The following TACR3 variants were observed in gnomAD, a reference collection of about 807,000 sequenced individuals.
TACR3 encodes tachykinin receptor 3.
TACR3 carries 34 observed loss-of-function variants against 35.0 expected under a neutral mutation model. That is an observed-to-expected ratio of 0.97 (90% CI 0.74 to 1.30). TACR3 has a LOEUF of 1.30. Ranked by LOEUF, TACR3 falls within the 50% of genes most tolerant of loss-of-function variation. TACR3 has a pLI of 0.00. For missense variants in TACR3, 558 were observed against 591.7 expected (o/e 0.94, Z 0.59); for synonymous variants, 233 against 221.1 (o/e 1.05, Z -0.48).
chr4:103,708,090 A>G (rs573658592), intron 1 of TACR3, among the ~76,000 whole-genome samples: 21 of 152,332 alleles, frequency 1.4e-4, no homozygotes, highest in African/African-American at 5.1e-4. Flanking sequence ...GCATAGCTGA[A>G]CAAAAGGCAG....
At chr4:103,718,107 T>A (rs866840024) in intron 1 of TACR3, among the ~76,000 whole-genome samples, 20 of 151,190 alleles carry the variant, frequency 1.3e-4, no homozygotes, top group Middle Eastern at 3.4e-3. Context: ...AATAACCTGT[T>A]TTTTCTTATT....
chr4:103,716,756 G>A (rs1247002547), intron 1 of TACR3, among the ~76,000 whole-genome samples: 1 of 152,084 alleles, frequency 6.6e-6, no homozygotes, highest in Non-Finnish European at 1.5e-5. Context: ...AAAGCGAATT[G>A]AATATATTTT....
intron 3 of TACR3, among the ~76,000 whole-genome samples, chr4:103,638,460 C>T (rs1230931352): frequency 6.6e-6 from 1 of 151,972 alleles, no homozygotes; most frequent in South Asian, 2.1e-4. Context: ...TAAAGACTTA[C>T]ATGTTCGACC....
At chr4:103,634,645 G>C (rs1402023952) in intron 3 of TACR3, among the ~76,000 whole-genome samples, 1 of 152,036 alleles carries the variant, frequency 6.6e-6, no homozygotes, top group Non-Finnish European at 1.5e-5. Context: ...TTTTCCTAAA[G>C]TGAATTTAAC....
chr4:103,627,087 C>A (rs990346208), intron 3 of TACR3, among the ~76,000 whole-genome samples: 1 of 137,832 alleles, frequency 7.3e-6, no homozygotes, highest in African/African-American at 2.7e-5. Context: ...GAGGCTGAGG[C>A]AGGAGAATCA....
intron 3 of TACR3, among the ~76,000 whole-genome samples, chr4:103,633,741 A>G (rs1037606832): frequency 6.6e-6 from 1 of 152,124 alleles, no homozygotes; most frequent in Non-Finnish European, 1.5e-5. Context: ...TAAATGAGCT[A>G]ATTTCTATTT....
chr4:103,703,965 G>A (rs1470219339), intron 1 of TACR3, among the ~76,000 whole-genome samples: 13 of 151,920 alleles, frequency 8.6e-5, no homozygotes, highest in Middle Eastern at 3.4e-3. Flanking sequence ...TTAGCAGGGC[G>A]TGGTAGCAGG....
Position 103,589,201 on chromosome 4 carries a change from T to C in TACR3, c.*481A>G, listed in dbSNP as rs1214703548. On this transcript the variant is annotated 3_prime_UTR_variant, in exon 5 of 5. Coordinates refer to ENST00000304883, the MANE Select transcript of TACR3 (RefSeq NM_001059.3). ...TGAGGTTAATTTTCCATTACTCTAG[T>C]GGGAAAATGAATCATTTAACTTTTT... is the stretch of plus-strand genomic sequence containing the variant. 1 of 153,986 alleles carries C rather than the reference T, an allele frequency of 6.5e-6. No individual in the cohort carries two copies. The highest frequency in any genetic ancestry group is 2.4e-5 in the African/African-American group (1 of 41,468). 9.5% of individuals were successfully genotyped at this position (153,986 alleles called of 1,614,324 possible).
intron 1 of TACR3, among the ~76,000 whole-genome samples, chr4:103,684,098 A>T (rs1198325956): frequency 6.6e-6 from 1 of 150,984 alleles, no homozygotes; most frequent in Non-Finnish European, 1.5e-5. Flanking sequence ...AGAGAAATCT[A>T]CAAATAACCT....
Position 103,589,991 on chromosome 4 carries a change from A to G in TACR3, c.1089T>C (p.Phe363=), listed in dbSNP as rs781243157. Residue 363 remains phenylalanine (F), a synonymous_variant, in exon 5 of 5, where the codon TTT becomes TTC. Transcript: ENST00000304883. ...GAAATGCTCTCTTGAAGCCAGCTCG[A>G]AATCTGAGGAAAAGCAGGCCACAGA... ...PIIYCCLNKR[F]RAGFKRAFRW... 3 of 1,613,534 alleles carry G rather than the reference A, an allele frequency of 1.9e-6. No individual in the cohort carries two copies.
At chr4:103,680,514 T>TATAC (rs1553911012) in intron 1 of TACR3, among the ~76,000 whole-genome samples, 3 of 147,512 alleles carry the variant, frequency 2.0e-5, no homozygotes, top group African/African-American at 7.5e-5. Flanking sequence ...CACACACACA[T>TATAC]ATATATATAC....
intron 1 of TACR3, among the ~76,000 whole-genome samples, chr4:103,694,489 G>T (rs544883431): frequency 6.6e-6 from 1 of 152,034 alleles, no homozygotes; most frequent in Non-Finnish European, 1.5e-5. Flanking sequence ...CATGCTTCCC[G>T]TACCAAGTTC....
intron 1 of TACR3, among the ~76,000 whole-genome samples, chr4:103,703,011 C>T (rs1239296124): frequency 6.6e-6 from 1 of 151,772 alleles, no homozygotes; most frequent in Non-Finnish European, 1.5e-5. Flanking sequence ...TGTAACAAAC[C>T]TGCGCGTTGT....
chr4:103,631,915 A>C (rs1352616498), intron 3 of TACR3, among the ~76,000 whole-genome samples: 1 of 152,156 alleles, frequency 6.6e-6, no homozygotes, highest in Non-Finnish European at 1.5e-5. Flanking sequence ...GTATCATTTC[A>C]ATTCAACCTA....
At chr4:103,663,083 G>C (rs1311432546) in intron 1 of TACR3, among the ~76,000 whole-genome samples, 1 of 152,174 alleles carries the variant, frequency 6.6e-6, no homozygotes, top group African/African-American at 2.4e-5. Flanking sequence ...AGTACAGGTT[G>C]TGGATTTTTT....
At chr4:103,632,346 A>G (rs1248839664) in intron 3 of TACR3, among the ~76,000 whole-genome samples, 3 of 152,124 alleles carry the variant, frequency 2.0e-5, no homozygotes, top group African/African-American at 7.2e-5. Context: ...CTGGAATACT[A>G]TGCAGCCACA....
intron 1 of TACR3, among the ~76,000 whole-genome samples, chr4:103,684,188 C>T (rs780443530): frequency 5.3e-5 from 8 of 151,992 alleles, no homozygotes; most frequent in Non-Finnish European, 1.0e-4. Flanking sequence ...CCACTCTTAC[C>T]ACTTCTATTT....
At chr4:103,640,462 C>T (rs1291212441) in intron 3 of TACR3, among the ~76,000 whole-genome samples, 1 of 151,788 alleles carries the variant, frequency 6.6e-6, no homozygotes, top group Non-Finnish European at 1.5e-5. Flanking sequence ...CATTTGTATA[C>T]TTTCATTTGA....
intron 3 of TACR3, among the ~76,000 whole-genome samples, chr4:103,622,602 G>T (rs1167466188): frequency 6.6e-6 from 1 of 152,140 alleles, no homozygotes; most frequent in Non-Finnish European, 1.5e-5. Context: ...GGCAGCGTGT[G>T]CCTGTAGTCC....
Sources: allele counts gnomAD v4.1 joint callset (sites outside exome capture counted in the v4.1 genomes callset), GRCh38; gene constraint gnomAD v4.1.1; transcripts MANE v1.5; gene names NCBI Gene and HGNC (gene_info 2026-07-23, HGNC 2026-07-21).